Variants in MYO16 observed in about 807,000 individuals in gnomAD.
The protein encoded by MYO16 is unconventional myosin-XVI.
MYO16 carries 94 observed loss-of-function variants against 205.3 expected under a neutral mutation model. The observed-to-expected ratio is 0.46, with a 90% CI of 0.39 to 0.54. The LOEUF is 0.54. Among genes scored for constraint, MYO16 ranks in the 20% least tolerant of loss-of-function variants. The probability of loss-of-function intolerance (pLI) is 0.00; values close to 1 mark genes in which losing one functional copy is unlikely to be tolerated. For synonymous variants in MYO16, 988 were observed against 954.0 expected (o/e 1.04, Z -0.66); for missense variants, 2,315 against 2,387.5 (o/e 0.97, Z 0.63).
chr13:108,812,934 A>G (rs531017984), intron 7 of MYO16, among the ~76,000 whole-genome samples: 2 of 152,260 alleles, frequency 1.3e-5, no homozygotes, highest in South Asian at 2.1e-4. Flanking sequence ...TTGATCTTAG[A>G]CTTCCTAACC....
intron 21 of MYO16, among the ~76,000 whole-genome samples, chr13:108,997,769 C>T (rs1322842923): frequency 2.6e-5 from 4 of 152,078 alleles, no homozygotes; most frequent in Admixed American, 2.0e-4. Context: ...AACCAGAAGG[C>T]GGAGGTTGCA....
the MYO16 span, among the ~76,000 whole-genome samples, chr13:108,495,882 C>A: frequency 6.6e-6 from 1 of 151,976 alleles, no homozygotes; most frequent in Non-Finnish European, 1.5e-5. Context: ...CGGCCATCGC[C>A]GCGTCGCCTG....
At chr13:108,703,792 G>C (rs1883398065) in intron 2 of MYO16, among the ~76,000 whole-genome samples, 1 of 152,054 alleles carries the variant, frequency 6.6e-6, no homozygotes, top group African/African-American at 2.4e-5. Flanking sequence ...ATCTATTATG[G>C]GCTAAATTTT....
chr13:109,060,322 A>G (rs138388339), intron 27 of MYO16, among the ~76,000 whole-genome samples: 12,892 of 152,210 alleles, frequency 0.085, 591 homozygotes, highest in African/African-American at 0.11. Context: ...GAATGAGCTC[A>G]TGTCCTTTGC....
chr13:108,558,044 T>C, the MYO16 span, among the ~76,000 whole-genome samples: 5 of 152,220 alleles, frequency 3.3e-5, no homozygotes, highest in Admixed American at 1.3e-4. Context: ...ATGAAAATTT[T>C]ATTTTCAATT....
intron 28 of MYO16, among the ~76,000 whole-genome samples, chr13:109,119,881 G>C (rs1875904166): frequency 6.6e-6 from 1 of 152,144 alleles, no homozygotes; most frequent in African/African-American, 2.4e-5. Flanking sequence ...ACAAACATTT[G>C]ATTTATAATA....
At chr13:108,614,416 A>C (rs1879279263) in intron 1 of MYO16, among the ~76,000 whole-genome samples, 1 of 152,118 alleles carries the variant, frequency 6.6e-6, no homozygotes, top group Admixed American at 6.6e-5. Context: ...GCCTACAGAT[A>C]AAATGCAATC....
chr13:108,527,328 G>A, the MYO16 span, among the ~76,000 whole-genome samples: 1 of 152,104 alleles, frequency 6.6e-6, no homozygotes, highest in Non-Finnish European at 1.5e-5. Context: ...CTGTAGTCAA[G>A]TTTGATCATA....
intron 29 of MYO16, among the ~76,000 whole-genome samples, chr13:109,123,307 T>G (rs568539087): frequency 4.0e-4 from 61 of 152,326 alleles, no homozygotes; most frequent in African/African-American, 1.4e-3. Context: ...CGGGTGAAAG[T>G]GAATCCAGTG....
At chr13:108,957,383 CAA>C (rs33954239) in intron 16 of MYO16, among the ~76,000 whole-genome samples, 1 of 96,940 alleles carries the variant, frequency 1.0e-5, no homozygotes, top group African/African-American at 4.3e-5. Flanking sequence ...AACTCCATCT[CAA>C]AAAAAAAAAA....
intron 4 of MYO16, among the ~76,000 whole-genome samples, chr13:108,743,571 T>C (rs1884973521): frequency 6.6e-6 from 1 of 152,196 alleles, no homozygotes; most frequent in Admixed American, 6.5e-5. Flanking sequence ...ATTATCACTC[T>C]TTTACTTCAG....
intron 7 of MYO16, among the ~76,000 whole-genome samples, chr13:108,818,260 G>A (rs995238181): frequency 2.0e-5 from 3 of 151,368 alleles, no homozygotes; most frequent in South Asian, 2.1e-4. Context: ...GGTGCATGCC[G>A]GCAATCCCAG....
Position 108,885,893 on chromosome 13 carries a change from G to A in MYO16, c.1554-2479G>A, listed in dbSNP as rs373645979. Among the ~76,000 whole-genome samples the A allele has an allele frequency of 2.0e-5, 3 of 152,188 alleles. No individual in the cohort carries two copies. The East Asian group carries it at 5.8e-4, about 29-fold the overall frequency. ...AGCAAGTTTTCTTATGAAGAACCCCGTTTATCTTAGTTTAACCCAACAGTT... is the reference window on the plus strand; with the variant it reads ...AGCAAGTTTTCTTATGAAGAACCCCATTTATCTTAGTTTAACCCAACAGTT... On this transcript the variant is annotated intron_variant, in intron 13 of 34. Transcript: ENST00000457511.
chr13:108,637,090 A>G (rs1880286988), intron 1 of MYO16, among the ~76,000 whole-genome samples: 1 of 152,254 alleles, frequency 6.6e-6, no homozygotes, highest in African/African-American at 2.4e-5. Context: ...ATGCATATAT[A>G]CACACATATG....
chr13:108,928,235 G>A (rs1452554963), intron 16 of MYO16, among the ~76,000 whole-genome samples: 6 of 152,176 alleles, frequency 3.9e-5, no homozygotes, highest in East Asian at 1.9e-4. Flanking sequence ...AGTGTGTACC[G>A]ACGACAGAGG....
chr13:109,119,819 T>A (rs1566515883), intron 28 of MYO16, among the ~76,000 whole-genome samples: 4 of 152,250 alleles, frequency 2.6e-5, no homozygotes, highest in Non-Finnish European at 5.9e-5. Context: ...GACTTTCTCA[T>A]CTTTCTTGAG....
the MYO16 span, among the ~76,000 whole-genome samples, chr13:108,551,808 T>C: frequency 6.6e-6 from 1 of 152,308 alleles, no homozygotes; most frequent in South Asian, 2.1e-4. Context: ...TTCCTGTGGT[T>C]TTCTCATGGT....
intron 4 of MYO16, among the ~76,000 whole-genome samples, chr13:108,739,234 T>A (rs1884816274): frequency 6.6e-6 from 1 of 152,218 alleles, no homozygotes; most frequent in Non-Finnish European, 1.5e-5. Context: ...CTAGCATCGA[T>A]GGTCTTTACA....
At chr13:108,715,224 C>G (rs563332199) in intron 3 of MYO16, among the ~76,000 whole-genome samples, 1 of 152,274 alleles carries the variant, frequency 6.6e-6, no homozygotes, top group South Asian at 2.1e-4. Flanking sequence ...GTGCTCTTGC[C>G]GGGTTTCCAC....
Sources: gnomAD v4.1 joint callset for allele counts (sites outside exome capture counted in the v4.1 genomes callset) on GRCh38, gnomAD v4.1.1 for gene constraint, MANE v1.5 for transcripts, NCBI Gene and HGNC (gene_info 2026-07-23, HGNC 2026-07-21) for gene names.